Variants in CFAP47 observed in about 807,000 individuals in gnomAD.
CFAP47 encodes cilia and flagella associated protein 47.
Under a neutral mutation model 148.1 loss-of-function variants are expected in CFAP47, and 29 were observed. The observed-to-expected ratio is 0.20, with a 90% CI of 0.15 to 0.27. CFAP47 has a LOEUF of 0.27. Among genes scored for constraint, CFAP47 ranks in the 10% least tolerant of loss-of-function variants. CFAP47 has a pLI of 1.00. For missense variants in CFAP47, 1,872 were observed against 1,697.5 expected, an observed-to-expected ratio of 1.10 and a Z score of -1.81; for synonymous variants, 664 against 577.3, an observed-to-expected ratio of 1.15 and a Z score of -2.15.
At chrX:36,300,295 T>A (rs1906074007) in intron 52 of CFAP47, among the ~76,000 whole-genome samples, 1 of 61,370 alleles carries the variant, frequency 1.6e-5, no homozygotes, top group African/African-American at 1.4e-4. Context: ...GTTATACTTA[T>A]TTTTTTTTTT....
At chrX:36,368,358 G>A (rs980559051) in intron 62 of CFAP47, among the ~76,000 whole-genome samples, 5 of 111,763 alleles carry the variant, frequency 4.5e-5, no homozygotes, top group Non-Finnish European at 1.9e-5. Context: ...GGCTAATGCT[G>A]TTGTCTGAAG....
At chrX:36,280,796 T>C (rs1173663419) in intron 50 of CFAP47, among the ~76,000 whole-genome samples, 166 bp downstream of exon 50, 2 of 112,281 alleles carry the variant, frequency 1.8e-5, no homozygotes, top group Non-Finnish European at 3.8e-5. Flanking sequence ...TAGCATATAT[T>C]CTGGAGTTCC....
At chrX:36,248,150 ACATAT>A (rs1478665300) in intron 48 of CFAP47, among the ~76,000 whole-genome samples, 10 of 106,668 alleles carry the variant, frequency 9.4e-5, no homozygotes, top group African/African-American at 3.0e-4. Flanking sequence ...TATATTATAC[ACATAT>A]CATATATGTA....
chrX:36,003,612 A>C (rs1466129857), intron 21 of CFAP47, among the ~76,000 whole-genome samples: 4 of 110,375 alleles, frequency 3.6e-5, no homozygotes, highest in Non-Finnish European at 7.6e-5. Context: ...CTAGGTATTG[A>C]AGGAACACAC....
At chrX:36,275,415 CGTGTGTGTGTGT>C (rs35781816) in intron 49 of CFAP47, among the ~76,000 whole-genome samples, 30 of 87,713 alleles carry the variant, frequency 3.4e-4, no homozygotes, top group South Asian at 1.1e-3. Context: ...GTGAGATCGT[CGTGTGTGTGTGT>C]GTGTGTGTGT....
chrX:36,083,532 C>T (rs1232279946), intron 29 of CFAP47, among the ~76,000 whole-genome samples: 2 of 111,477 alleles, frequency 1.8e-5, no homozygotes, highest in African/African-American at 6.5e-5. Context: ...TAGATTCAAG[C>T]TAAGTATTAA....
At chrX:36,046,682 T>C (rs1402021289) in intron 25 of CFAP47, among the ~76,000 whole-genome samples, 172 bp from the exon 26 acceptor site, 1 of 111,903 alleles carries the variant, frequency 8.9e-6, no homozygotes, top group African/African-American at 3.2e-5. Flanking sequence ...CCATCTTATA[T>C]TGTGATCAGA....
chrX:36,208,256 C>G lies in CFAP47; in HGVS notation c.6817+3146C>G, dbSNP rs1261077248. Among the ~76,000 whole-genome samples the G allele has an allele frequency of 4.5e-5, 5 of 111,506 alleles. No individual in the cohort carries two copies. The East Asian group carries it at 1.4e-3, about 31-fold the overall frequency. ...TGAAATACCAGTAAATCATCCATGA[C>G]AACTTTTTAATGTGTAACGTAATTG... On this transcript the variant is annotated intron_variant, in intron 45 of 63. Transcript: ENST00000378653.
Position 36,249,075 on chromosome X carries a change from T to C in CFAP47, c.7333-2258T>C, listed in dbSNP as rs185347711. On this transcript the variant is annotated intron_variant, in intron 48 of 63. Transcript: ENST00000378653. The stretch of plus-strand genomic sequence containing the variant: ...AATTTGTAGATGTGCATACCTGTAG[T>C]AAAAAAAGAAGAAAGATGTTAAGTC... Among the ~76,000 whole-genome samples the C allele has an allele frequency of 2.7e-4, 29 of 107,831 alleles. No individual in the cohort carries two copies. The East Asian group carries it at 8.1e-3, about 30-fold the overall frequency. 93.6% of individuals were successfully genotyped at this position (107,831 alleles called of 115,157 possible). A position where few individuals can be genotyped will look rare whatever the true frequency, so the allele number is the denominator to read the frequency against.
At chrX:36,335,009 G>A (rs1489830458) in intron 57 of CFAP47, among the ~76,000 whole-genome samples, 4 of 110,714 alleles carry the variant, frequency 3.6e-5, no homozygotes, top group African/African-American at 1.3e-4. Context: ...GTGTATGTTA[G>A]TCATTCTCAA....
intron 39 of CFAP47, among the ~76,000 whole-genome samples, chrX:36,170,621 T>A (rs1939559075): frequency 9.1e-6 from 1 of 109,969 alleles, no homozygotes; most frequent in Admixed American, 9.7e-5. Context: ...ACAAAGGACA[T>A]GAACACATCA....
intron 26 of CFAP47, among the ~76,000 whole-genome samples, chrX:36,054,425 G>A (rs902203314): frequency 3.6e-5 from 4 of 111,874 alleles, no homozygotes; most frequent in South Asian, 7.4e-4. Flanking sequence ...AAAGAATAAT[G>A]TGTACAATTA....
intron 57 of CFAP47, among the ~76,000 whole-genome samples, chrX:36,324,753 A>G (rs1161052655): frequency 9.0e-6 from 1 of 111,472 alleles, no homozygotes; most frequent in Non-Finnish European, 1.9e-5. Flanking sequence ...AAGATCTTTC[A>G]CCTGCTGTTA....
chrX:36,093,153 C>A (rs1938214731), intron 30 of CFAP47, among the ~76,000 whole-genome samples: 1 of 111,494 alleles, frequency 9.0e-6, no homozygotes, highest in East Asian at 2.8e-4. Flanking sequence ...TTTATCTATT[C>A]ATCTGTTGAT....
At chrX:36,189,372 C>A (rs1246215344) in intron 41 of CFAP47, among the ~76,000 whole-genome samples, 3 of 110,781 alleles carry the variant, frequency 2.7e-5, no homozygotes, top group Non-Finnish European at 5.7e-5. Context: ...AACACTTATT[C>A]ATGGCTTCTC....
chrX:36,314,514 C>A (rs1941417881), intron 56 of CFAP47, among the ~76,000 whole-genome samples: 1 of 111,667 alleles, frequency 9.0e-6, no homozygotes, highest in African/African-American at 3.3e-5. Flanking sequence ...TTGGCAACCT[C>A]TGATTGGCCA....
At chrX:36,035,999 C>A (rs911471143) in intron 24 of CFAP47, 145 bp downstream of exon 24, 29 of 237,422 alleles carry the variant, frequency 1.2e-4, no homozygotes, top group Non-Finnish European at 1.9e-4. Context: ...TTATTAATCT[C>A]ATTTTTGAAT....
rs1359998034 is a variant in CFAP47 at position 36,172,948 on chromosome X, A to G, written c.6027-6397A>G. ...TGGTCCTGGACTCTTTTTTGTTGGT[A>G]AGCTATTGATTATTGCCACAATTTC... On this transcript the variant is annotated intron_variant, in intron 39 of 63. Transcript: ENST00000378653. Among the ~76,000 whole-genome samples, 3 of 110,925 alleles carry G rather than the reference A, an allele frequency of 2.7e-5. No individual in the cohort carries two copies. In the Admixed American group the frequency reaches 2.9e-4, roughly 11 times the overall value.
chrX:36,331,775 C>A (rs782658314), intron 57 of CFAP47, among the ~76,000 whole-genome samples: 1 of 111,893 alleles, frequency 8.9e-6, no homozygotes, highest in African/African-American at 3.2e-5. Flanking sequence ...CCCTCATCTA[C>A]GCCAACCTAA....
Sources: allele counts gnomAD v4.1 joint callset (sites outside exome capture counted in the v4.1 genomes callset), GRCh38; gene constraint gnomAD v4.1.1; transcripts MANE v1.5; gene names NCBI Gene and HGNC (gene_info 2026-07-23, HGNC 2026-07-21).